CDH4: variants seen among roughly 807,000 people sequenced by gnomAD.
The protein encoded by CDH4 is cadherin-4.
In CDH4, 33 loss-of-function variants were observed where a neutral mutation model predicts 86.0. The observed-to-expected ratio is 0.38, with a 90% CI of 0.29 to 0.51. The LOEUF is 0.51. Ranked by LOEUF, CDH4 falls within the 20% of genes least tolerant of loss-of-function variation. The pLI is 0.86. For synonymous variants in CDH4, 555 were observed against 549.4 expected (o/e 1.01, Z -0.14); for missense variants, 1,114 against 1,307.4 (o/e 0.85, Z 2.28).
intron 2 of CDH4, among the ~76,000 whole-genome samples, chr20:61,282,631 C>T (rs1039506167): frequency 6.6e-6 from 1 of 151,812 alleles, no homozygotes; most frequent in African/African-American, 2.4e-5. Context: ...TGTGTGTACA[C>T]ATGTAATGTG....
At chr20:61,491,545 CTG>C (rs1470515997) in intron 2 of CDH4, among the ~76,000 whole-genome samples, 4 of 152,206 alleles carry the variant, frequency 2.6e-5, no homozygotes, top group Admixed American at 6.5e-5. Flanking sequence ...AAGATACAAA[CTG>C]TGATTTAAAG....
Position 61,928,176 on chromosome 20 carries a change from T to C in CDH4, c.1772-14T>C, listed in dbSNP as rs1392652535. On this transcript the variant is annotated splice_polypyrimidine_tract_variant and intron_variant, in intron 11 of 15. Transcript: ENST00000614565. ...CAGGAGTGGCCCGTGTGGTGACCTG[T>C]GTCTGTTCCACAGGGATACCCCCGG... The C allele has an allele frequency of 6.3e-7, 1 of 1,594,932 alleles. No individual in the cohort carries two copies. Among genetic ancestry groups the C allele is most frequent in the Non-Finnish European group, 8.5e-7 (1 of 1,176,016 alleles).
Position 61,377,315 on chromosome 20 carries a change from G to A in CDH4, c.169+122378G>A, listed in dbSNP as rs2084877670. Among the ~76,000 whole-genome samples the A allele has an allele frequency of 6.6e-6, 1 of 152,098 alleles. No individual in the cohort carries two copies. Among genetic ancestry groups the A allele is most frequent in the African/African-American group, 2.4e-5 (1 of 41,410 alleles). On this transcript the variant is annotated intron_variant, in intron 2 of 15. Coordinates refer to ENST00000614565, the MANE Select transcript of CDH4 (RefSeq NM_001794.5). This position sits in a 1 kb window ranked among gnomAD's most constrained non-coding sequence, Gnocchi z 4.0. The stretch of plus-strand genomic sequence containing the variant: ...TAGGTGACACAGCCCGGGACTCCTG[G>A]GCCCTGACGAATCCAAAGGGTCCCC...
At chr20:61,411,182 T>C (rs997012780) in intron 2 of CDH4, among the ~76,000 whole-genome samples, 2 of 151,866 alleles carry the variant, frequency 1.3e-5, no homozygotes, top group Non-Finnish European at 2.9e-5. Flanking sequence ...AGGTATTCCA[T>C]GACCAACAAG....
chr20:61,925,663 T>A (rs963193960), intron 11 of CDH4, among the ~76,000 whole-genome samples: 11 of 152,196 alleles, frequency 7.2e-5, no homozygotes, highest in African/African-American at 2.7e-4. Flanking sequence ...GGTCAGTGAA[T>A]ACTGATGGAG....
At chr20:61,508,949 A>G (rs574582998) in intron 2 of CDH4, among the ~76,000 whole-genome samples, 1 of 152,120 alleles carries the variant, frequency 6.6e-6, no homozygotes, top group Non-Finnish European at 1.5e-5. Flanking sequence ...CTGTGTTAAC[A>G]TCCTCAGGGC....
intron 2 of CDH4, among the ~76,000 whole-genome samples, chr20:61,289,391 C>T (rs1031234421): frequency 6.6e-6 from 1 of 152,252 alleles, no homozygotes; most frequent in African/African-American, 2.4e-5. Context: ...AGCCCTGAAG[C>T]CCTCTCTTCT....
intron 4 of CDH4, among the ~76,000 whole-genome samples, chr20:61,814,974 A>G (rs1188594315): frequency 6.6e-6 from 1 of 152,148 alleles, no homozygotes; most frequent in Non-Finnish European, 1.5e-5. Flanking sequence ...CCGTGTAAGC[A>G]TAGGTGCTGA....
chr20:61,680,203 C>T (rs541060684), intron 2 of CDH4, among the ~76,000 whole-genome samples: 1 of 152,316 alleles, frequency 6.6e-6, no homozygotes, highest in East Asian at 1.9e-4. Context: ...CCACCCCCTG[C>T]CCCTGTCCTC....
At chr20:61,572,161 G>C (rs1188750471) in intron 2 of CDH4, among the ~76,000 whole-genome samples, 1 of 152,134 alleles carries the variant, frequency 6.6e-6, no homozygotes, top group Non-Finnish European at 1.5e-5. Flanking sequence ...GATCTGGGGG[G>C]CCTCTCTTGG....
intron 2 of CDH4, among the ~76,000 whole-genome samples, chr20:61,339,897 T>C (rs374650533): frequency 6.6e-6 from 1 of 152,222 alleles, no homozygotes; most frequent in East Asian, 1.9e-4. Flanking sequence ...TGACTTAGAA[T>C]GTTCGAAGGG....
chr20:61,421,365 C>T (rs1442324905), intron 2 of CDH4, among the ~76,000 whole-genome samples: 2 of 152,082 alleles, frequency 1.3e-5, no homozygotes, highest in African/African-American at 2.4e-5. Flanking sequence ...TGGAAGCTAC[C>T]GAAAGGGACT....
chr20:61,360,420 G>A (rs1480891070), intron 2 of CDH4, among the ~76,000 whole-genome samples: 3 of 152,160 alleles, frequency 2.0e-5, no homozygotes, highest in Non-Finnish European at 4.4e-5. Flanking sequence ...TGTGTCTCAG[G>A]TATGAGCCTC....
At chr20:61,487,675 G>T (rs1435408276) in intron 2 of CDH4, among the ~76,000 whole-genome samples, 2 of 152,150 alleles carry the variant, frequency 1.3e-5, no homozygotes, top group African/African-American at 4.8e-5. Flanking sequence ...AGGTTAATTT[G>T]TACTAGACCC....
Position 61,329,676 on chromosome 20 carries a change from A to C in CDH4, c.169+74739A>C, listed in dbSNP as rs1173954019. Among the ~76,000 whole-genome samples the C allele has an allele frequency of 2.8e-4, 7 of 25,062 alleles. No homozygotes were observed. The South Asian group carries it at 5.6e-3, about 20-fold the overall frequency. The allele number at this position is 25,062 out of a possible 152,430, so 16.4% of individuals were successfully genotyped here. A position where few individuals can be genotyped will look rare whatever the true frequency, so the allele number is the denominator to read the frequency against. ...TCCGCAGACCCTGGATTGTCACTTTAAAAAAAAAATTAATTTAATGTAATT... is the reference window on the plus strand; with the variant it reads ...TCCGCAGACCCTGGATTGTCACTTTCAAAAAAAAATTAATTTAATGTAATT... On this transcript the variant is annotated intron_variant, in intron 2 of 15. Transcript: ENST00000614565.
intron 2 of CDH4, among the ~76,000 whole-genome samples, chr20:61,420,582 G>A (rs1324615443): frequency 1.3e-5 from 2 of 152,240 alleles, no homozygotes. Flanking sequence ...GTATTTCCAG[G>A]GATCCAGCAA....
intron 2 of CDH4, among the ~76,000 whole-genome samples, chr20:61,447,119 A>G (rs1600687876): frequency 6.6e-6 from 1 of 151,470 alleles, no homozygotes; most frequent in African/African-American, 2.4e-5. Flanking sequence ...ACTCTCTGTG[A>G]TTTTGTCTTT....
intron 2 of CDH4, among the ~76,000 whole-genome samples, chr20:61,386,804 G>A (rs952301566): frequency 2.0e-5 from 3 of 152,230 alleles, no homozygotes; most frequent in East Asian, 3.8e-4. Context: ...AGGAAACAGA[G>A]AGAGGTGACC....
At chr20:61,564,718 C>A (rs932562216) in intron 2 of CDH4, among the ~76,000 whole-genome samples, 1 of 152,144 alleles carries the variant, frequency 6.6e-6, no homozygotes, top group African/African-American at 2.4e-5. Flanking sequence ...AACGGAGTAA[C>A]ACATGTAGAT....
Sources: gnomAD v4.1 joint callset for allele counts (sites outside exome capture counted in the v4.1 genomes callset) on GRCh38, gnomAD v4.1.1 for gene constraint, Gnocchi (gnomAD v3.1) non-coding constraint, MANE v1.5 for transcripts, NCBI Gene and HGNC (gene_info 2026-07-23, HGNC 2026-07-21) for gene names.